Variants in SV2C observed in about 807,000 individuals in gnomAD.
The protein encoded by SV2C is synaptic vesicle glycoprotein 2C.
SV2C carries 49 observed loss-of-function variants against 79.7 expected under a neutral mutation model. The ratio of observed to expected loss-of-function variants is 0.61; its 90% CI spans 0.49 to 0.78. SV2C has a LOEUF of 0.78. SV2C is among the 30% of genes least tolerant of loss of function. The pLI is 0.00. For missense variants in SV2C, 833 were observed against 912.9 expected (o/e 0.91, Z 1.13); for synonymous variants, 334 against 333.2 (o/e 1.00, Z -0.03).
chr5:75,901,665 T>C, the SV2C span, among the ~76,000 whole-genome samples: 1 of 152,252 alleles, frequency 6.6e-6, no homozygotes, highest in Non-Finnish European at 1.5e-5. Flanking sequence ...GCTGTCTTTT[T>C]CTTTGTCTGT....
upstream of SV2C, chr5:76,079,493 G>A (rs935538685): frequency 1.1e-5 from 3 of 282,366 alleles, no homozygotes; most frequent in Middle Eastern, 1.5e-3. Context: ...TGTGACTAAC[G>A]ATTTGACAGC....
At chr5:76,025,594 T>G in the SV2C span, among the ~76,000 whole-genome samples, 1 of 152,122 alleles carries the variant, frequency 6.6e-6, no homozygotes, top group South Asian at 2.1e-4. Context: ...AACAAAAACA[T>G]CCAAATTTTT....
chr5:75,891,861 G>T, the SV2C span, among the ~76,000 whole-genome samples: 16 of 151,962 alleles, frequency 1.1e-4, no homozygotes, highest in Middle Eastern at 3.2e-3. Flanking sequence ...TCTAGTCTGT[G>T]AGCCAGCACC....
At chr5:75,965,915 G>T in the SV2C span, among the ~76,000 whole-genome samples, 50 of 152,122 alleles carry the variant, frequency 3.3e-4, no homozygotes, top group Non-Finnish European at 4.4e-4. Context: ...AAGACAAAAA[G>T]ATTAACATTC....
chr5:76,193,095 C>T (rs1580344479), intron 2 of SV2C, among the ~76,000 whole-genome samples: 1 of 152,246 alleles, frequency 6.6e-6, no homozygotes, highest in East Asian at 1.9e-4. Flanking sequence ...CTGTTTTTGT[C>T]CTTCTCTGAA....
At chr5:76,163,710 G>T (rs144563588) in intron 2 of SV2C, among the ~76,000 whole-genome samples, 3 of 152,172 alleles carry the variant, frequency 2.0e-5, no homozygotes, top group African/African-American at 7.2e-5. Flanking sequence ...AAGAATTTTC[G>T]TAATGAAAAC....
At chr5:75,947,815 G>A in the SV2C span, among the ~76,000 whole-genome samples, 1 of 151,706 alleles carries the variant, frequency 6.6e-6, no homozygotes, top group Non-Finnish European at 1.5e-5. Context: ...CGGCATTATT[G>A]GACTAAATAA....
At position 76,223,462 on chromosome 5, in the gene SV2C, T is replaced by C. The variant is rs370645466; in HGVS notation, c.913+13575T>C. 3.4e-3 allele frequency among the ~76,000 whole-genome samples: 175 copies of C among 50,760 alleles called. 3 individuals carry two copies. The highest frequency in any genetic ancestry group is 0.013 in the Admixed American group (71 of 5,522). 33.3% of individuals were successfully genotyped at this position (50,760 alleles called of 152,430 possible). On this transcript the variant is annotated intron_variant, in intron 4 of 12. Transcript: ENST00000502798. ...ATACATACATATATATATATATATA[T>C]ATATATATATATATATATATATATA...
intron 12 of SV2C, among the ~76,000 whole-genome samples, chr5:76,352,703 G>C (rs1293844558): frequency 6.6e-6 from 1 of 152,112 alleles, no homozygotes; most frequent in Admixed American, 6.6e-5. Context: ...TAAGACAAAA[G>C]CTGGCTAGAC....
rs552316958 is a variant in SV2C at position 76,222,971 on chromosome 5, A to G, written c.913+13084A>G. ...TCTTCAAAATGTTCTCTGTACATGA[A>G]GAAGCTAAGAAACTTCTCCAGAGAG... On this transcript the variant is annotated intron_variant, in intron 4 of 12. Transcript: ENST00000502798. 1.1e-4 allele frequency among the ~76,000 whole-genome samples: 17 copies of G among 152,252 alleles called. 1 individual carries two copies. The highest frequency in any genetic ancestry group is 3.6e-4 in the African/African-American group (15 of 41,544).
the SV2C span, among the ~76,000 whole-genome samples, chr5:75,929,977 G>T: frequency 0.079 from 11,990 of 152,176 alleles, 1,339 homozygotes; most frequent in African/African-American, 0.25. Context: ...AAAAATAAAT[G>T]TTTATGGAAA....
At chr5:76,263,663 T>C (rs1746553890) in intron 4 of SV2C, among the ~76,000 whole-genome samples, 2 of 152,204 alleles carry the variant, frequency 1.3e-5, no homozygotes, top group Non-Finnish European at 2.9e-5. Flanking sequence ...GGCTTGGTGA[T>C]GACAAAATCC....
At chr5:75,934,837 A>G in the SV2C span, among the ~76,000 whole-genome samples, 1 of 151,512 alleles carries the variant, frequency 6.6e-6, no homozygotes, top group African/African-American at 2.4e-5. Flanking sequence ...AGTAGTGAGC[A>G]CATATTGATG....
At chr5:76,240,872 A>G (rs1430548612) in intron 4 of SV2C, among the ~76,000 whole-genome samples, 2 of 152,238 alleles carry the variant, frequency 1.3e-5, no homozygotes, top group African/African-American at 2.4e-5. Flanking sequence ...AATCCTAGTT[A>G]TGACACTACA....
At chr5:76,123,481 A>T (rs1748604416) in intron 1 of SV2C, among the ~76,000 whole-genome samples, 1 of 152,208 alleles carries the variant, frequency 6.6e-6, no homozygotes, top group Non-Finnish European at 1.5e-5. Context: ...ATCCTCAATA[A>T]AATACTGGCA....
chr5:76,048,296 G>A, the SV2C span, among the ~76,000 whole-genome samples: 1 of 152,186 alleles, frequency 6.6e-6, no homozygotes, highest in Non-Finnish European at 1.5e-5. Flanking sequence ...CAAGAGCACC[G>A]ATGTCCGAGG....
chr5:76,161,492 C>T (rs559007752), intron 2 of SV2C, among the ~76,000 whole-genome samples: 16 of 152,126 alleles, frequency 1.1e-4, no homozygotes, highest in East Asian at 5.8e-4. Context: ...ACACCATGTC[C>T]GGCTAATTTT....
chr5:76,280,076 T>C (rs1357765500), intron 4 of SV2C, among the ~76,000 whole-genome samples: 3 of 151,972 alleles, frequency 2.0e-5, no homozygotes, highest in East Asian at 1.9e-4. Flanking sequence ...CTCTAAGAAA[T>C]AGGAAGTAAG....
At chr5:76,251,698 A>T (rs1198471737) in intron 4 of SV2C, among the ~76,000 whole-genome samples, 1 of 152,166 alleles carries the variant, frequency 6.6e-6, no homozygotes, top group Non-Finnish European at 1.5e-5. Context: ...TATAAGCGCC[A>T]CACTTTAAGA....
Sources: allele counts gnomAD v4.1 joint callset (sites outside exome capture counted in the v4.1 genomes callset), GRCh38; gene constraint gnomAD v4.1.1; transcripts MANE v1.5; gene names NCBI Gene and HGNC (gene_info 2026-07-23, HGNC 2026-07-21).